PCDHGA10: variants seen among roughly 807,000 people sequenced by gnomAD.
The protein encoded by PCDHGA10 is protocadherin gamma-A10.
In PCDHGA10, 42 loss-of-function variants were observed where a neutral mutation model predicts 59.5. That is an observed-to-expected ratio of 0.71 (90% CI 0.55 to 0.91). The LOEUF is 0.91. Ranked by LOEUF, PCDHGA10 falls within the 40% of genes least tolerant of loss-of-function variation. The pLI is 0.00. For missense variants in PCDHGA10, 1,111 were observed against 1,198.2 expected, an observed-to-expected ratio of 0.93 and a Z score of 1.07; for synonymous variants, 511 against 517.2, an observed-to-expected ratio of 0.99 and a Z score of 0.16.
Position 141,489,767 on chromosome 5 carries a change from G to T in PCDHGA10, c.2437-5040G>T, listed in dbSNP as rs2099691977. On this transcript the variant is annotated intron_variant, in intron 1 of 3. Transcript: ENST00000398610. This position sits in a 1 kb window ranked among gnomAD's most constrained non-coding sequence, Gnocchi z 4.5. ...AGCTTTTACACTCTAAGCCCCAACA[G>T]CCACTTCTCTCTGAATGTGAAGACC... The T allele has an allele frequency of 6.2e-7, 1 of 1,614,028 alleles. No homozygotes were observed. Among genetic ancestry groups the T allele is most frequent in the African/African-American group, 1.3e-5 (1 of 74,938 alleles).
intron 1 of PCDHGA10, chr5:141,441,801 G>A (rs954094882): frequency 7.8e-6 from 3 of 384,492 alleles, no homozygotes; most frequent in African/African-American, 4.4e-5. Flanking sequence ...CGCACCGCGG[G>A]TGCTGTACCC....
intron 1 of PCDHGA10, among the ~76,000 whole-genome samples, chr5:141,433,559 G>A (rs2154555800): frequency 6.6e-6 from 1 of 152,212 alleles, no homozygotes; most frequent in Non-Finnish European, 1.5e-5. Context: ...TTTCTGGCTG[G>A]GCGCGGTGGC....
chr5:141,509,056 G>C (rs1303823294), intron 3 of PCDHGA10, among the ~76,000 whole-genome samples: 1 of 152,178 alleles, frequency 6.6e-6, no homozygotes, highest in Non-Finnish European at 1.5e-5. Flanking sequence ...CCCCCAGAAA[G>C]CTCTCAGCTC....
intron 1 of PCDHGA10, among the ~76,000 whole-genome samples, chr5:141,480,151 C>T (rs543997143): frequency 1.3e-5 from 2 of 152,162 alleles, no homozygotes; most frequent in African/African-American, 4.8e-5. Context: ...TTAGCCAGCT[C>T]CTAGCATTTT....
intron 1 of PCDHGA10, chr5:141,440,019 G>A (rs747595475): frequency 6.5e-5 from 10 of 153,114 alleles, no homozygotes; most frequent in Non-Finnish European, 8.8e-5. Flanking sequence ...AAGGATCTGG[G>A]ACTCAGTGTC....
intron 3 of PCDHGA10, among the ~76,000 whole-genome samples, chr5:141,505,969 A>G (rs1454691041): frequency 1.3e-5 from 2 of 152,142 alleles, no homozygotes; most frequent in Non-Finnish European, 2.9e-5. Context: ...AGAAATCCCC[A>G]GCCGAGAGAA....
intron 1 of PCDHGA10, among the ~76,000 whole-genome samples, chr5:141,444,012 G>T (rs1355186604): frequency 1.3e-5 from 2 of 152,058 alleles, no homozygotes; most frequent in African/African-American, 4.8e-5. Flanking sequence ...CTGGGTATTG[G>T]CTTCTAAAAG....
intron 1 of PCDHGA10, among the ~76,000 whole-genome samples, chr5:141,447,063 G>C (rs762309557): frequency 6.6e-6 from 1 of 152,028 alleles, no homozygotes; most frequent in South Asian, 2.1e-4. Context: ...AATGTGTCAG[G>C]CTGTTTTAAT....
chr5:141,429,488 T>TA (rs748742046), intron 1 of PCDHGA10, among the ~76,000 whole-genome samples: 13 of 152,096 alleles, frequency 8.5e-5, no homozygotes, highest in Non-Finnish European at 1.6e-4. Flanking sequence ...TAGCTGAGAC[T>TA]ACAGTTGCCT....
At chr5:141,421,489 G>A in intron 1 of PCDHGA10, 1 of 1,614,094 alleles carries the variant, frequency 6.2e-7, no homozygotes, top group Non-Finnish European at 8.5e-7. Flanking sequence ...CTTGATCACG[G>A]CAGGCAGGAT....
chr5:141,486,671 C>T lies in PCDHGA10; in HGVS notation c.2437-8136C>T, dbSNP rs1307620045. The T allele has an allele frequency of 1.9e-6, 3 of 1,613,926 alleles. No homozygotes were observed. Among genetic ancestry groups the T allele is most frequent in the South Asian group, 1.1e-5 (1 of 91,078 alleles). On this transcript the variant is annotated intron_variant, in intron 1 of 3. Coordinates refer to ENST00000398610, the MANE Select transcript of PCDHGA10 (RefSeq NM_018913.3). This position sits in a 1 kb window ranked among gnomAD's most constrained non-coding sequence, Gnocchi z 5.0. Reference sequence around the variant, plus strand: ...CTACTCACTCCTGGAGCCCAGGAATCGAGATGTATCAGCTTCCTCTTTCAT... The same window carrying T: ...CTACTCACTCCTGGAGCCCAGGAATTGAGATGTATCAGCTTCCTCTTTCAT...
At chr5:141,429,610 T>C (rs2097228693) in intron 1 of PCDHGA10, among the ~76,000 whole-genome samples, 2 of 152,230 alleles carry the variant, frequency 1.3e-5, no homozygotes, top group African/African-American at 4.8e-5. Flanking sequence ...AACTCAATTT[T>C]ATGTCTGATA....
intron 1 of PCDHGA10, among the ~76,000 whole-genome samples, chr5:141,425,003 T>C (rs75915888): frequency 0.036 from 5,431 of 152,274 alleles, 181 homozygotes; most frequent in African/African-American, 0.084. Context: ...AGTTTAGTTT[T>C]CTCATTTAGG....
rs1463716042 is a variant in PCDHGA10 at position 141,511,338 on chromosome 5, T to C, written c.*165T>C. 42 of 1,429,834 alleles carry C rather than the reference T, an allele frequency of 2.9e-5. No homozygotes were observed. The highest frequency in any genetic ancestry group is 3.9e-5 in the Non-Finnish European group (42 of 1,075,502). 88.6% of individuals were successfully genotyped at this position (1,429,834 alleles called of 1,614,324 possible). A position where few individuals can be genotyped will look rare whatever the true frequency, so the allele number is the denominator to read the frequency against. On this transcript the variant is annotated 3_prime_UTR_variant, in exon 4 of 4. Coordinates refer to ENST00000398610, the MANE Select transcript of PCDHGA10 (RefSeq NM_018913.3). ...CAGAAACAAGTGCCCAGTCAGCACC[T>C]ACCCCTTCCCCCCCAGGGGGTTGAA... is the stretch of plus-strand genomic sequence containing the variant.
intron 1 of PCDHGA10, chr5:141,426,765 G>A (rs1343961009): frequency 1.8e-5 from 8 of 456,530 alleles, no homozygotes; most frequent in Non-Finnish European, 3.5e-5. Flanking sequence ...AGATGCAGAT[G>A]TAGGGCCTCA....
rs1206206519 is a variant in PCDHGA10 at position 141,432,127 on chromosome 5, C to G, written c.2436+16516C>G. ...ACCCGCCGGTCTTCCCTCAGGCCTC[C>G]TATTCCGCTTATATCCCAGAGAACA... On this transcript the variant is annotated intron_variant, in intron 1 of 3. Coordinates refer to ENST00000398610, the MANE Select transcript of PCDHGA10 (RefSeq NM_018913.3). The surrounding 1 kb of genome is among the most constrained non-coding windows in gnomAD (Gnocchi z 6.0). The G allele has an allele frequency of 6.8e-6, 11 of 1,614,160 alleles. No homozygotes were observed. The highest frequency in any genetic ancestry group is 8.5e-6 in the Non-Finnish European group (10 of 1,180,032).
chr5:141,419,884 C>A lies in PCDHGA10; in HGVS notation c.2436+4273C>A. 1 of 1,614,088 alleles carries A rather than the reference C, an allele frequency of 6.2e-7. No individual in the cohort carries two copies. The highest frequency in any genetic ancestry group is 8.5e-7 in the Non-Finnish European group (1 of 1,179,896). On this transcript the variant is annotated intron_variant, in intron 1 of 3. Transcript: ENST00000398610. ...GCTTGCAAGAGGTACTGCCGGATTT[C>A]AGCGACCATCCCACACCCTCTGACT... is the stretch of plus-strand genomic sequence containing the variant.
chr5:141,494,701 C>G, intron 1 of PCDHGA10, 106 bp from the exon 2 acceptor site: 1 of 1,594,596 alleles, frequency 6.3e-7, no homozygotes, highest in Non-Finnish European at 8.6e-7. Context: ...CCGTTTTCTT[C>G]TCTGTGCCCA....
At position 141,491,942 on chromosome 5, in the gene PCDHGA10, C is replaced by T. The variant is rs932715298; in HGVS notation, c.2437-2865C>T. 6.4e-5 allele frequency: 72 copies of T among 1,122,376 alleles called. No individual in the cohort carries two copies. Among genetic ancestry groups the T allele is most frequent in the Admixed American group, 3.5e-5 (1 of 28,738 alleles). 69.5% of individuals were successfully genotyped at this position (1,122,376 alleles called of 1,614,324 possible). A position where few individuals can be genotyped will look rare whatever the true frequency, so the allele number is the denominator to read the frequency against. ...GGCGAGGGGAGGTGGGACCGACCCC[C>T]ACCCCTACACTCAAAAAAGGCCGGG... is the stretch of plus-strand genomic sequence containing the variant. On this transcript the variant is annotated intron_variant, in intron 1 of 3. Transcript: ENST00000398610. The surrounding 1 kb of genome is among the most constrained non-coding windows in gnomAD (Gnocchi z 6.9).
Sources: gnomAD v4.1 joint callset for allele counts (sites outside exome capture counted in the v4.1 genomes callset) on GRCh38, gnomAD v4.1.1 for gene constraint, Gnocchi (gnomAD v3.1) non-coding constraint, MANE v1.5 for transcripts, NCBI Gene and HGNC (gene_info 2026-07-23, HGNC 2026-07-21) for gene names.